CA10: variants seen among roughly 807,000 people sequenced by gnomAD.
The protein encoded by CA10 is carbonic anhydrase 10 (inactive).
A neutral mutation model predicts 44.2 loss-of-function variants in CA10; 14 were observed. That is an observed-to-expected ratio of 0.32 (90% CI 0.21 to 0.50). CA10 has a LOEUF of 0.50. CA10 is among the 20% of genes least tolerant of loss of function. CA10 has a pLI of 0.99. For missense variants in CA10, 350 were observed against 409.7 expected, an observed-to-expected ratio of 0.85 and a Z score of 1.26; for synonymous variants, 159 against 141.6, an observed-to-expected ratio of 1.12 and a Z score of -0.87.
chr17:51,647,501 C>T (rs919563009), intron 6 of CA10, among the ~76,000 whole-genome samples: 13 of 152,012 alleles, frequency 8.6e-5, no homozygotes, highest in African/African-American at 3.1e-4. Flanking sequence ...TCTCTTGCTC[C>T]TCCCTTGGTG....
At chr17:51,677,232 G>A (rs2143374743) in intron 4 of CA10, among the ~76,000 whole-genome samples, 1 of 152,304 alleles carries the variant, frequency 6.6e-6, no homozygotes, top group South Asian at 2.1e-4. Flanking sequence ...GTAATACTCA[G>A]CGTTGGAGGT....
intron 3 of CA10, among the ~76,000 whole-genome samples, chr17:51,861,798 T>C (rs1405147394): frequency 6.6e-6 from 1 of 152,016 alleles, no homozygotes; most frequent in Non-Finnish European, 1.5e-5. Context: ...ACACAGAAAA[T>C]AAGAGTTGAA....
chr17:51,881,896 G>T (rs1020640179), intron 3 of CA10, among the ~76,000 whole-genome samples: 4 of 152,116 alleles, frequency 2.6e-5, no homozygotes, highest in African/African-American at 4.8e-5. Context: ...TTTTGGTTTG[G>T]CAATTTCACT....
intron 2 of CA10, among the ~76,000 whole-genome samples, chr17:52,055,763 A>T (rs1229128907): frequency 1.3e-5 from 2 of 152,180 alleles, no homozygotes; most frequent in Non-Finnish European, 2.9e-5. Flanking sequence ...CAAGAATGGC[A>T]GTGTCTGAAT....
At chr17:52,106,502 T>C (rs1201561657) in intron 1 of CA10, among the ~76,000 whole-genome samples, 2 of 152,214 alleles carry the variant, frequency 1.3e-5, no homozygotes, top group Non-Finnish European at 2.9e-5. Context: ...TTGTTGTTAA[T>C]ATGAAAATGC....
At chr17:52,055,850 A>G (rs1189021440) in intron 2 of CA10, among the ~76,000 whole-genome samples, 2 of 152,164 alleles carry the variant, frequency 1.3e-5, no homozygotes, top group East Asian at 1.9e-4. Context: ...GAAACCCATC[A>G]TATCTCTAAG....
Position 51,767,726 on chromosome 17 carries a change from C to CT in CA10, c.280-19909dup, listed in dbSNP as rs1034126674. ...ATGTAAAAGCAGTGGGAGCCCCGAG[C>CT]TTTTTTTTTTTGCAACTAGATGGTC... On this transcript the variant is annotated intron_variant, in intron 3 of 8. Coordinates refer to ENST00000451037, the MANE Select transcript of CA10 (RefSeq NM_020178.5). 4.4e-3 allele frequency among the ~76,000 whole-genome samples: 624 copies of CT among 143,114 alleles called. 4 individuals are homozygous for CT. The highest frequency in any genetic ancestry group is 0.024 in the Admixed American group (348 of 14,210). The allele number at this position is 143,114 out of a possible 152,430, so 93.9% of individuals were successfully genotyped here.
chr17:51,656,142 C>T (rs1002489634), intron 4 of CA10, among the ~76,000 whole-genome samples: 2 of 152,214 alleles, frequency 1.3e-5, no homozygotes, highest in African/African-American at 4.8e-5. Flanking sequence ...CCCACTGATA[C>T]AGGTGACCAA....
intron 2 of CA10, among the ~76,000 whole-genome samples, chr17:51,958,720 A>G (rs1345649524): frequency 1.3e-5 from 2 of 152,228 alleles, no homozygotes; most frequent in Non-Finnish European, 2.9e-5. Flanking sequence ...TTAAAACTCA[A>G]ACATATCAGG....
intron 3 of CA10, among the ~76,000 whole-genome samples, chr17:51,777,427 A>G (rs991913981): frequency 1.3e-5 from 2 of 152,182 alleles, no homozygotes; most frequent in African/African-American, 4.8e-5. Flanking sequence ...TAAAACCCAC[A>G]TATATGGAGG....
chr17:52,121,102 T>C (rs1989006450), intron 1 of CA10, among the ~76,000 whole-genome samples: 1 of 152,222 alleles, frequency 6.6e-6, no homozygotes, highest in Non-Finnish European at 1.5e-5. Context: ...GGTTTCCATG[T>C]CTTTGCCATA....
At chr17:51,877,547 C>T (rs1980133176) in intron 3 of CA10, among the ~76,000 whole-genome samples, 1 of 152,174 alleles carries the variant, frequency 6.6e-6, no homozygotes, top group African/African-American at 2.4e-5. Context: ...ATTAGCAGAA[C>T]TACTTTAGCT....
At chr17:52,009,201 C>T (rs1985704094) in intron 2 of CA10, among the ~76,000 whole-genome samples, 2 of 151,552 alleles carry the variant, frequency 1.3e-5, no homozygotes, top group Admixed American at 6.6e-5. Context: ...TTTTTTTTAA[C>T]GTGTCTCTTT....
At chr17:51,787,574 T>C (rs988877340) in intron 3 of CA10, among the ~76,000 whole-genome samples, 1 of 151,856 alleles carries the variant, frequency 6.6e-6, no homozygotes, top group Admixed American at 6.6e-5. Flanking sequence ...CACTGCAACC[T>C]CCACTTCCCA....
intron 2 of CA10, among the ~76,000 whole-genome samples, chr17:51,981,320 T>C (rs527460217): frequency 1.3e-5 from 2 of 152,180 alleles, no homozygotes; most frequent in East Asian, 3.9e-4. Context: ...GATAGAATCG[T>C]ACAGTGAAAT....
chr17:52,030,984 C>T (rs977014368), intron 2 of CA10, among the ~76,000 whole-genome samples: 3 of 152,124 alleles, frequency 2.0e-5, no homozygotes, highest in African/African-American at 7.2e-5. Flanking sequence ...TGGGACTTCT[C>T]AGCCTTGATA....
Position 51,643,973 on chromosome 17 carries a change from G to T in CA10, c.634+5209C>A, listed in dbSNP as rs191693202. ...AGTCAGGCAACAAAAGGAAGTGGTA[G>T]AGCCAGGATAGGAGCCCAGATCTCT... On this transcript the variant is annotated intron_variant, in intron 6 of 8. Coordinates refer to ENST00000451037, the MANE Select transcript of CA10 (RefSeq NM_020178.5). Among the ~76,000 whole-genome samples, 10 of 152,322 alleles carry T rather than the reference G, an allele frequency of 6.6e-5. No individual in the cohort carries two copies. The East Asian group carries it at 1.9e-3, about 29-fold the overall frequency.
intron 3 of CA10, among the ~76,000 whole-genome samples, chr17:51,887,955 G>C (rs1243528107): frequency 3.9e-5 from 6 of 152,054 alleles, no homozygotes; most frequent in Non-Finnish European, 2.9e-5. Flanking sequence ...AACCCAGGAG[G>C]CAGAGGTTGC....
At chr17:52,138,701 T>G (rs978118267) in intron 1 of CA10, among the ~76,000 whole-genome samples, 2 of 152,204 alleles carry the variant, frequency 1.3e-5, no homozygotes, top group Admixed American at 6.5e-5. Context: ...AGTGATGAGA[T>G]CTGGCTGTTT....
Sources: gnomAD v4.1 joint callset for allele counts (sites outside exome capture counted in the v4.1 genomes callset) on GRCh38, gnomAD v4.1.1 for gene constraint, MANE v1.5 for transcripts, NCBI Gene and HGNC (gene_info 2026-07-23, HGNC 2026-07-21) for gene names.